The following RASGRF1 variants were observed in gnomAD, a reference collection of about 807,000 sequenced individuals.
RASGRF1 encodes Ras protein specific guanine nucleotide releasing factor 1.
In RASGRF1, 40 loss-of-function variants were observed where a neutral mutation model predicts 138.7. That is an observed-to-expected ratio of 0.29 (90% CI 0.22 to 0.38). The LOEUF is 0.38. RASGRF1 is among the 10% of genes least tolerant of loss of function. The pLI, the probability that RASGRF1 is intolerant of heterozygous loss-of-function variation, is 1.00. For synonymous variants in RASGRF1, 614 were observed against 663.2 expected (o/e 0.93, Z 1.14); for missense variants, 1,108 against 1,650.4 (o/e 0.67, Z 5.69).
chr15:78,980,902 C>T (rs28546944), intron 23 of RASGRF1: 6,725 of 419,750 alleles, frequency 0.016, 74 homozygotes, highest in Non-Finnish European at 0.021. Flanking sequence ...TGTGCCTGTG[C>T]TCCCACATCT....
At chr15:79,078,094 T>C (rs1595972754) in intron 1 of RASGRF1, among the ~76,000 whole-genome samples, 1 of 150,980 alleles carries the variant, frequency 6.6e-6, no homozygotes, top group East Asian at 1.9e-4. Context: ...TGCTGCGTGA[T>C]ATCCCAGTGC....
intron 1 of RASGRF1, among the ~76,000 whole-genome samples, chr15:79,072,368 C>T (rs911554365): frequency 2.8e-5 from 4 of 144,268 alleles, no homozygotes; most frequent in Admixed American, 7.4e-5. Flanking sequence ...CTCTGCCTCC[C>T]GGGTTCATGC....
intron 12 of RASGRF1, among the ~76,000 whole-genome samples, chr15:79,017,253 G>A (rs1051251493): frequency 2.0e-5 from 3 of 152,184 alleles, no homozygotes; most frequent in East Asian, 1.9e-4. Flanking sequence ...TAAATCTTCC[G>A]TGTGCATAAT....
chr15:78,966,160 G>A (rs1017862424), intron 26 of RASGRF1, among the ~76,000 whole-genome samples: 5 of 151,068 alleles, frequency 3.3e-5, no homozygotes. Context: ...AAATCACCAT[G>A]TGTTTATCCT....
At chr15:79,003,278 C>T (rs945385065) in intron 15 of RASGRF1, among the ~76,000 whole-genome samples, 1 of 152,224 alleles carries the variant, frequency 6.6e-6, no homozygotes, top group Admixed American at 6.5e-5. Flanking sequence ...CTATGACGCT[C>T]CTAATGGTGT....
intron 12 of RASGRF1, among the ~76,000 whole-genome samples, chr15:79,016,134 A>T (rs553996861): frequency 1.6e-4 from 25 of 152,286 alleles, no homozygotes; most frequent in Non-Finnish European, 3.1e-4. Flanking sequence ...GGGTCTTCAC[A>T]TTTCTGCCAT....
At chr15:79,071,870 C>T (rs2057761125) in intron 1 of RASGRF1, among the ~76,000 whole-genome samples, 1 of 152,160 alleles carries the variant, frequency 6.6e-6, no homozygotes, top group African/African-American at 2.4e-5. Context: ...CCCTCCTCTT[C>T]TCCAGGCTGT....
In RASGRF1 at chr15:79,040,190, T is replaced by C. The variant is rs559203899; in HGVS notation, c.879-4980A>G. On this transcript the variant is annotated intron_variant, in intron 5 of 26. Coordinates refer to ENST00000558480, the MANE Select transcript of RASGRF1 (RefSeq NM_001145648.3). ...TCTCTTCTCATTAAATAGCAGCCCT[T>C]CCCACCAGCCTCTCAGACGGAACCT... 7.9e-5 allele frequency among the ~76,000 whole-genome samples: 12 copies of C among 151,990 alleles called. No homozygotes were observed. In the South Asian group the frequency reaches 2.5e-3, roughly 32 times the overall value.
At chr15:79,022,468 A>G (rs2056975180) in intron 10 of RASGRF1, among the ~76,000 whole-genome samples, 1 of 144,214 alleles carries the variant, frequency 6.9e-6, no homozygotes, top group Non-Finnish European at 1.5e-5. Context: ...CCCCCCCCAA[A>G]AACCCCCACA....
chr15:78,991,906 G>T, intron 20 of RASGRF1, 112 bp from the exon 21 acceptor site: 1 of 723,662 alleles, frequency 1.4e-6, no homozygotes, highest in Non-Finnish European at 2.5e-6. Context: ...TGGGCGGGTG[G>T]ACGGGGTATG....
intron 19 of RASGRF1, 89 bp downstream of exon 19, chr15:78,998,007 C>A: frequency 8.5e-7 from 1 of 1,171,714 alleles, no homozygotes; most frequent in Non-Finnish European, 1.3e-6. Context: ...CTTCACCTCC[C>A]GGGCCTCTGA....
intron 7 of RASGRF1, among the ~76,000 whole-genome samples, 184 bp from the exon 8 acceptor site, chr15:79,031,693 GGAGA>G (rs143486022): frequency 3.4e-5 from 5 of 146,044 alleles, no homozygotes; most frequent in Non-Finnish European, 7.6e-5. Context: ...GGGGAAAGGG[GGAGA>G]GAGAGAGAGA....
Position 79,073,508 on chromosome 15 carries a change from G to A in RASGRF1, c.277-8982C>T, listed in dbSNP as rs755907721. On this transcript the variant is annotated intron_variant, in intron 1 of 26. Transcript: ENST00000558480. This position sits in a 1 kb window ranked among gnomAD's most constrained non-coding sequence, Gnocchi z 4.2. The stretch of plus-strand genomic sequence containing the variant: ...ACCTGGAGTCGGGGTTGTGAGAGAC[G>A]AGAAGGGCAGGTGAGGAGGAGGTGT... Among the ~76,000 whole-genome samples the A allele has an allele frequency of 3.3e-5, 5 of 152,128 alleles. No individual in the cohort carries two copies. Among genetic ancestry groups the A allele is most frequent in the Non-Finnish European group, 5.9e-5 (4 of 68,020 alleles).
At chr15:79,074,945 A>G (rs1470997786) in intron 1 of RASGRF1, among the ~76,000 whole-genome samples, 4 of 152,190 alleles carry the variant, frequency 2.6e-5, no homozygotes, top group African/African-American at 9.7e-5. Context: ...GAGTCCTAAG[A>G]TCGAGCGAGA....
At chr15:79,060,249 A>C (rs929732842) in intron 2 of RASGRF1, among the ~76,000 whole-genome samples, 1 of 151,330 alleles carries the variant, frequency 6.6e-6, no homozygotes, top group Non-Finnish European at 1.5e-5. Flanking sequence ...ATCACTCCCC[A>C]CCCCCCAGGT....
intron 3 of RASGRF1, 97 bp from the exon 4 acceptor site, chr15:79,049,685 T>C (rs1595938987): frequency 6.3e-6 from 6 of 958,742 alleles, no homozygotes; most frequent in South Asian, 1.6e-5. Flanking sequence ...GGCAGCCGAG[T>C]GCCCTGCCTC....
intron 2 of RASGRF1, among the ~76,000 whole-genome samples, chr15:79,059,991 G>GACACACACACAC (rs941037876): frequency 2.2e-4 from 7 of 31,534 alleles, no homozygotes; most frequent in African/African-American, 9.9e-4. Context: ...CAGACACACA[G>GACACACACACAC]ACACACACAC....
intron 2 of RASGRF1, among the ~76,000 whole-genome samples, chr15:79,063,591 T>A (rs923716783): frequency 5.9e-5 from 9 of 152,230 alleles, no homozygotes; most frequent in Admixed American, 2.0e-4. Flanking sequence ...TACTGGGCAC[T>A]CTGTCTATGC....
At position 79,025,318 on chromosome 15, in the gene RASGRF1, G is replaced by T; in HGVS notation, c.1538C>A (p.Thr513Asn). 6.2e-7 allele frequency: 1 copy of T among 1,607,978 alleles called. No homozygotes were observed. Among genetic ancestry groups the T allele is most frequent in the Non-Finnish European group, 8.5e-7 (1 of 1,175,698 alleles). ...CCCCTCTCCCGTAGCCCTTACCTTGGTCAAGTGAAGCTTCCCTCCAGAGCC... is the reference window on the plus strand; with the variant it reads ...CCCCTCTCCCGTAGCCCTTACCTTGTTCAAGTGAAGCTTCCCTCCAGAGCC... Reference protein sequence around the residue: ...TRGSGGKLHLTKNGVISLIDC... With the variant: ...TRGSGGKLHLNKNGVISLIDC... Residue 513 changes from threonine to asparagine, a missense_variant, in exon 10 of 27, where the codon ACC (threonine) becomes AAC (asparagine). Thr to Asn is a moderately conservative substitution (Grantham distance 65). This residue lies in a region of RASGRF1 where 686 missense variants were observed against 976.7 expected (regional missense o/e 0.70). Coordinates refer to ENST00000558480, the MANE Select transcript of RASGRF1 (RefSeq NM_001145648.3).
Sources: allele counts gnomAD v4.1 joint callset (sites outside exome capture counted in the v4.1 genomes callset), GRCh38; gene constraint gnomAD v4.1.1; regional missense constraint gnomAD v4.1.1; non-coding constraint Gnocchi (gnomAD v3.1); transcripts MANE v1.5; gene names NCBI Gene and HGNC (gene_info 2026-07-23, HGNC 2026-07-21).